The following MTMR8 variants were observed in gnomAD, a reference collection of about 807,000 sequenced individuals.
MTMR8 encodes phosphatidylinositol-3,5-bisphosphate 3-phosphatase MTMR8.
MTMR8 carries 65 observed loss-of-function variants against 39.3 expected under a neutral mutation model. The ratio of observed to expected loss-of-function variants is 1.65; its 90% confidence interval spans 1.35 to 2.03. The LOEUF is 2.03. Ranked by LOEUF, MTMR8 falls within the 30% of genes most tolerant of loss-of-function variation. MTMR8 has a pLI of 0.00. For missense variants in MTMR8, 777 were observed against 538.9 expected, an observed-to-expected ratio of 1.44 and a Z score of -4.37; for synonymous variants, 245 against 185.2, an observed-to-expected ratio of 1.32 and a Z score of -2.62.
intron 12 of MTMR8, among the ~76,000 whole-genome samples, chrX:64,290,791 T>C (rs1016007869): frequency 1.8e-5 from 2 of 112,406 alleles, no homozygotes; most frequent in Non-Finnish European, 3.8e-5. Context: ...ATATATTTAG[T>C]TTGTTCTTTA....
intron 12 of MTMR8, among the ~76,000 whole-genome samples, chrX:64,326,049 T>C (rs901589167): frequency 2.7e-5 from 3 of 112,075 alleles, no homozygotes; most frequent in African/African-American, 9.7e-5. Context: ...ATATTATATG[T>C]ATTATACACT....
At chrX:64,275,399 G>T (rs1931848909) in intron 12 of MTMR8, among the ~76,000 whole-genome samples, 1 of 110,175 alleles carries the variant, frequency 9.1e-6, no homozygotes, top group Admixed American at 9.8e-5. Context: ...TAAAATCAAA[G>T]AAACTAAGAG....
chrX:64,342,616 A>G (rs1456835698), intron 8 of MTMR8, among the ~76,000 whole-genome samples: 3 of 112,421 alleles, frequency 2.7e-5, no homozygotes, highest in Non-Finnish European at 5.6e-5. Flanking sequence ...AATAGTTAGA[A>G]TAGTGGGCTT....
At chrX:64,273,533 AAAG>A (rs1373859360) in intron 12 of MTMR8, among the ~76,000 whole-genome samples, 2 of 111,804 alleles carry the variant, frequency 1.8e-5, no homozygotes, top group South Asian at 3.6e-4. Flanking sequence ...CAAGAAATGA[AAAG>A]AAGAACAACA....
chrX:64,294,147 G>T (rs1471636222), intron 12 of MTMR8, among the ~76,000 whole-genome samples: 1 of 111,784 alleles, frequency 8.9e-6, no homozygotes, highest in African/African-American at 3.2e-5. Flanking sequence ...ATTAATAAAT[G>T]GAAGCTAACT....
chrX:64,281,884 C>T (rs1298273216), intron 12 of MTMR8, among the ~76,000 whole-genome samples: 2 of 107,989 alleles, frequency 1.9e-5, no homozygotes, highest in Admixed American at 9.9e-5. Context: ...AAAAAAACAA[C>T]CCCATCAAAA....
chrX:64,275,172 T>C (rs1232432054), intron 12 of MTMR8, among the ~76,000 whole-genome samples: 1 of 111,031 alleles, frequency 9.0e-6, no homozygotes, highest in Non-Finnish European at 1.9e-5. Context: ...CTGAAATATA[T>C]ACAATTATGA....
At chrX:64,286,874 C>A (rs1271136770) in intron 12 of MTMR8, among the ~76,000 whole-genome samples, 1 of 111,549 alleles carries the variant, frequency 9.0e-6, no homozygotes, top group Non-Finnish European at 1.9e-5. Context: ...TGGGCAAAAA[C>A]TGGAAGCATT....
At chrX:64,295,139 G>C (rs778959494) in intron 12 of MTMR8, among the ~76,000 whole-genome samples, 9 of 109,884 alleles carry the variant, frequency 8.2e-5, no homozygotes, top group Non-Finnish European at 1.3e-4. Flanking sequence ...TCACTTTTCA[G>C]TGAGAACCTG....
At chrX:64,285,026 G>T (rs753498494) in intron 12 of MTMR8, among the ~76,000 whole-genome samples, 50 of 111,803 alleles carry the variant, frequency 4.5e-4, no homozygotes, top group African/African-American at 1.6e-3. Context: ...ACACAGACTG[G>T]CAAATTGGAT....
At chrX:64,301,877 T>C (rs755080100) in intron 12 of MTMR8, among the ~76,000 whole-genome samples, 7 of 111,855 alleles carry the variant, frequency 6.3e-5, no homozygotes, top group African/African-American at 1.9e-4. Flanking sequence ...TTAGGCTGCT[T>C]GGGGGTCAGG....
intron 12 of MTMR8, among the ~76,000 whole-genome samples, chrX:64,317,383 TTTA>T (rs1569218912): frequency 9.0e-6 from 1 of 111,623 alleles, no homozygotes; most frequent in Non-Finnish European, 1.9e-5. Context: ...ACTCTGTTTA[TTTA>T]TTTTTTTCGT....
chrX:64,385,641 G>A (rs1385713006), intron 1 of MTMR8, among the ~76,000 whole-genome samples: 1 of 111,364 alleles, frequency 9.0e-6, no homozygotes, highest in Admixed American at 9.6e-5. Context: ...GAAGGTGAAG[G>A]GAGAGCAGGC....
At chrX:64,340,769 C>T (rs1222127210) in intron 8 of MTMR8, among the ~76,000 whole-genome samples, 1 of 111,637 alleles carries the variant, frequency 9.0e-6, no homozygotes, top group South Asian at 3.8e-4. Context: ...CACTGGTGGA[C>T]AGAAAATGAT....
intron 1 of MTMR8, among the ~76,000 whole-genome samples, chrX:64,391,646 A>G (rs1924692901): frequency 8.9e-6 from 1 of 112,341 alleles, no homozygotes; most frequent in South Asian, 3.7e-4. Flanking sequence ...CGATGATGAT[A>G]GTGACTGGTA....
chrX:64,269,639 G>A (rs1050202272), intron 13 of MTMR8, among the ~76,000 whole-genome samples: 2 of 110,923 alleles, frequency 1.8e-5, no homozygotes, highest in Admixed American at 9.5e-5. Context: ...GGGGTCATAC[G>A]TCCCCATTGA....
intron 12 of MTMR8, chrX:64,306,353 C>T (rs1295385897): frequency 3.6e-5 from 9 of 251,228 alleles, no homozygotes; most frequent in Non-Finnish European, 7.3e-5. Flanking sequence ...CAGCTTCTAA[C>T]TGTAAAGCAT....
chrX:64,296,972 G>C (rs1184578449), intron 12 of MTMR8, among the ~76,000 whole-genome samples: 3 of 102,596 alleles, frequency 2.9e-5, no homozygotes, highest in Non-Finnish European at 4.0e-5. Context: ...TCTTAATCCA[G>C]TCTATCATTG....
intron 12 of MTMR8, among the ~76,000 whole-genome samples, chrX:64,287,843 G>C (rs1466836757): frequency 3.8e-5 from 4 of 105,163 alleles, no homozygotes; most frequent in Non-Finnish European, 5.9e-5. Context: ...TTACATGTTA[G>C]ACCTAAAACC....
Sources: allele counts gnomAD v4.1 joint callset (sites outside exome capture counted in the v4.1 genomes callset), GRCh38; gene constraint gnomAD v4.1.1; transcripts MANE v1.5; gene names NCBI Gene and HGNC (gene_info 2026-07-23, HGNC 2026-07-21).